Variants in PCDH15 observed in about 807,000 individuals in gnomAD.
PCDH15 encodes protocadherin related 15.
PCDH15 carries 129 observed loss-of-function variants against 178.5 expected under a neutral mutation model. That is an observed-to-expected ratio of 0.72 (90% CI 0.63 to 0.84). The LOEUF is 0.84. PCDH15 is among the 40% of genes least tolerant of loss of function. The pLI, the probability that PCDH15 is intolerant of heterozygous loss-of-function variation, is 0.00. For missense variants in PCDH15, 2,230 were observed against 2,099.9 expected (o/e 1.06, Z -1.21); for synonymous variants, 800 against 732.0 (o/e 1.09, Z -1.50).
intron 2 of PCDH15, among the ~76,000 whole-genome samples, chr10:54,901,746 T>C (rs1035790324): frequency 2.6e-5 from 4 of 152,156 alleles, no homozygotes; most frequent in Admixed American, 6.5e-5. Flanking sequence ...CTTGTGAATA[T>C]ATAGTTAAGA....
chr10:54,198,309 T>A (rs561495877), intron 10 of PCDH15, among the ~76,000 whole-genome samples: 5 of 152,046 alleles, frequency 3.3e-5, no homozygotes, highest in African/African-American at 1.2e-4. Flanking sequence ...GAAAACATTG[T>A]TTTTTCACTG....
intron 11 of PCDH15, among the ~76,000 whole-genome samples, chr10:54,194,905 G>T (rs1015914505): frequency 6.6e-6 from 1 of 152,094 alleles, no homozygotes; most frequent in South Asian, 2.1e-4. Context: ...TATCTCTCAG[G>T]CTTCATTCTC....
intron 20 of PCDH15, among the ~76,000 whole-genome samples, chr10:53,996,998 T>C (rs2091886479): frequency 1.3e-5 from 2 of 152,110 alleles, no homozygotes; most frequent in African/African-American, 4.8e-5. Flanking sequence ...ATCTCAAACT[T>C]CTCTTTTTGC....
intron 1 of PCDH15, among the ~76,000 whole-genome samples, chr10:55,306,007 AG>A (rs1354376625): frequency 6.6e-6 from 1 of 152,240 alleles, no homozygotes; most frequent in Non-Finnish European, 1.5e-5. Context: ...AAACAACTTT[AG>A]CCTGAAACTG....
intron 2 of PCDH15, among the ~76,000 whole-genome samples, chr10:54,929,990 T>C (rs181766967): frequency 5.3e-5 from 8 of 152,290 alleles, no homozygotes; most frequent in Admixed American, 5.2e-4. Context: ...TCATTTGTTT[T>C]CTAACTAAGA....
intron 2 of PCDH15, among the ~76,000 whole-genome samples, chr10:54,568,222 T>C (rs188879482): frequency 1.9e-4 from 29 of 152,126 alleles, no homozygotes; most frequent in Admixed American, 1.5e-3. Flanking sequence ...TTCCTTCTGC[T>C]TGAAATGGCT....
intron 25 of PCDH15, among the ~76,000 whole-genome samples, chr10:53,927,271 A>T (rs2084647828): frequency 6.6e-6 from 1 of 152,128 alleles, no homozygotes; most frequent in Non-Finnish European, 1.5e-5. Context: ...GTAATATCTA[A>T]TTTCAAAATC....
At chr10:53,877,250 T>C (rs1011029127) in intron 26 of PCDH15, among the ~76,000 whole-genome samples, 12 of 152,162 alleles carry the variant, frequency 7.9e-5, no homozygotes, top group African/African-American at 2.7e-4. Context: ...AAAATGATTA[T>C]ACCTCCCTCA....
chr10:54,143,672 G>T (rs1251172855), intron 14 of PCDH15, among the ~76,000 whole-genome samples: 1 of 152,038 alleles, frequency 6.6e-6, no homozygotes, highest in Non-Finnish European at 1.5e-5. Context: ...GAATATTGCT[G>T]ATTTTTTTGT....
intron 2 of PCDH15, among the ~76,000 whole-genome samples, chr10:55,070,562 C>A (rs1841708447): frequency 1.3e-5 from 2 of 152,102 alleles, no homozygotes; most frequent in South Asian, 4.1e-4. Flanking sequence ...TTGTTTTTCT[C>A]AGGTTTGTGA....
intron 2 of PCDH15, among the ~76,000 whole-genome samples, chr10:54,956,249 T>G (rs1838482010): frequency 2.0e-5 from 3 of 151,440 alleles, no homozygotes. Flanking sequence ...TATTAGAAAT[T>G]GTTTTTCATA....
At chr10:55,289,122 G>T (rs1842947196) in intron 1 of PCDH15, among the ~76,000 whole-genome samples, 1 of 151,952 alleles carries the variant, frequency 6.6e-6, no homozygotes. Context: ...GCGTACTAAA[G>T]TCTATCATTG....
At chr10:54,937,398 T>C (rs748931603) in intron 2 of PCDH15, among the ~76,000 whole-genome samples, 4 of 152,022 alleles carry the variant, frequency 2.6e-5, no homozygotes, top group Non-Finnish European at 5.9e-5. Flanking sequence ...CATAGATCAA[T>C]TAAGAGATAT....
intron 1 of PCDH15, among the ~76,000 whole-genome samples, chr10:55,283,793 A>C (rs1395849526): frequency 6.6e-6 from 1 of 152,018 alleles, no homozygotes; most frequent in African/African-American, 2.4e-5. Flanking sequence ...TAGTCTGTCA[A>C]ATAGAATAAG....
chr10:53,879,573 C>A (rs2080538099), intron 26 of PCDH15, among the ~76,000 whole-genome samples: 1 of 151,908 alleles, frequency 6.6e-6, no homozygotes, highest in Non-Finnish European at 1.5e-5. Flanking sequence ...AAAGGTATAC[C>A]ATTCATAAAT....
intron 1 of PCDH15, among the ~76,000 whole-genome samples, chr10:55,211,785 C>T (rs978712387): frequency 6.6e-6 from 1 of 151,936 alleles, no homozygotes; most frequent in Non-Finnish European, 1.5e-5. Context: ...TGAGTTAACC[C>T]ATAAGGAAAA....
intron 15 of PCDH15, among the ~76,000 whole-genome samples, chr10:54,100,074 G>A (rs2094780736): frequency 6.6e-6 from 1 of 152,036 alleles, no homozygotes; most frequent in Admixed American, 6.6e-5. Context: ...CAAATAGAAG[G>A]TATTGCTCAG....
chr10:54,452,687 G>A (rs1286673078), intron 3 of PCDH15, among the ~76,000 whole-genome samples: 1 of 151,878 alleles, frequency 6.6e-6, no homozygotes, highest in African/African-American at 2.4e-5. Context: ...TCTTGGATAG[G>A]TCTTTCTGGA....
At chr10:55,036,415 A>G (rs963674840) in intron 2 of PCDH15, among the ~76,000 whole-genome samples, 1 of 152,182 alleles carries the variant, frequency 6.6e-6, no homozygotes, top group African/African-American at 2.4e-5. Context: ...TCCCCAGATA[A>G]GACAAGCTCC....
Sources: allele counts gnomAD v4.1 joint callset (sites outside exome capture counted in the v4.1 genomes callset), GRCh38; gene constraint gnomAD v4.1.1; transcripts MANE v1.5; gene names NCBI Gene and HGNC (gene_info 2026-07-23, HGNC 2026-07-21).